Variants in FARP1 observed in about 807,000 individuals in gnomAD.
FARP1 encodes FERM, ARHGEF and pleckstrin domain-containing protein 1.
In FARP1, 52 loss-of-function variants were observed where a neutral mutation model predicts 128.8. The ratio of observed to expected loss-of-function variants is 0.40; its 90% CI spans 0.32 to 0.51. The LOEUF is 0.51. Ranked by LOEUF, FARP1 falls within the 20% of genes least tolerant of loss-of-function variation. The probability of loss-of-function intolerance (pLI) is 0.45; values close to 1 mark genes in which losing one functional copy is unlikely to be tolerated. For missense variants in FARP1, 1,333 were observed against 1,367.9 expected, an observed-to-expected ratio of 0.97 and a Z score of 0.40; for synonymous variants, 580 against 551.8, an observed-to-expected ratio of 1.05 and a Z score of -0.72.
intron 16 of FARP1, among the ~76,000 whole-genome samples, chr13:98,417,791 T>A (rs777832112): frequency 5.3e-5 from 8 of 152,180 alleles, no homozygotes; most frequent in Non-Finnish European, 1.2e-4. Flanking sequence ...GTCAGAAAAT[T>A]GTTTTGCTGC....
At chr13:98,236,715 C>T (rs368586539) in intron 2 of FARP1, among the ~76,000 whole-genome samples, 11 of 152,162 alleles carry the variant, frequency 7.2e-5, no homozygotes, top group African/African-American at 1.7e-4. Context: ...ATTTGCCAGG[C>T]GTGGTGGCTC....
At chr13:98,159,805 A>G (rs1336985392) in intron 1 of FARP1, among the ~76,000 whole-genome samples, 7 of 152,094 alleles carry the variant, frequency 4.6e-5, no homozygotes, top group Non-Finnish European at 1.0e-4. Context: ...ATTACACATG[A>G]CTATCTTAAT....
chr13:98,408,360 C>G (rs751121221), intron 13 of FARP1, among the ~76,000 whole-genome samples: 1 of 124,942 alleles, frequency 8.0e-6, no homozygotes, highest in Non-Finnish European at 1.6e-5. Flanking sequence ...CAGAGTCTCA[C>G]TTTGTCGCCC....
At chr13:98,228,111 C>A (rs1881901002) in intron 2 of FARP1, among the ~76,000 whole-genome samples, 4 of 152,234 alleles carry the variant, frequency 2.6e-5, no homozygotes, top group Admixed American at 2.6e-4. Context: ...GTAATCCCAG[C>A]ACTTTGGGAG....
chr13:98,283,618 A>C (rs1885038522), intron 2 of FARP1, among the ~76,000 whole-genome samples: 1 of 152,078 alleles, frequency 6.6e-6, no homozygotes, highest in Non-Finnish European at 1.5e-5. Flanking sequence ...CCTATTCACT[A>C]ATATTTTTAA....
chr13:98,353,156 T>G (rs1888505406), intron 3 of FARP1, among the ~76,000 whole-genome samples: 1 of 152,090 alleles, frequency 6.6e-6, no homozygotes, highest in South Asian at 2.1e-4. Context: ...GGTTTAGTCT[T>G]AAGACTAAAC....
At chr13:98,258,242 C>T (rs1403139766) in intron 2 of FARP1, among the ~76,000 whole-genome samples, 1 of 152,168 alleles carries the variant, frequency 6.6e-6, no homozygotes, top group Non-Finnish European at 1.5e-5. Context: ...GCTGGGATTA[C>T]AGGCATGAGC....
chr13:98,161,753 C>A (rs565074043), intron 1 of FARP1, among the ~76,000 whole-genome samples: 22 of 152,168 alleles, frequency 1.4e-4, no homozygotes, highest in Admixed American at 6.5e-4. Context: ...TTCCTTCCCT[C>A]CCTCCCTCCA....
At chr13:98,148,102 G>A (rs1028049371) in intron 1 of FARP1, among the ~76,000 whole-genome samples, 11 of 152,306 alleles carry the variant, frequency 7.2e-5, no homozygotes, top group African/African-American at 2.4e-4. Context: ...AAGACAATAA[G>A]GTGCGGTGGC....
At chr13:98,244,811 T>A in intron 2 of FARP1, 1 of 1,516,624 alleles carries the variant, frequency 6.6e-7, no homozygotes, top group South Asian at 1.3e-5. Context: ...CAGTGCCCAA[T>A]AAGTGATTTT....
intron 2 of FARP1, among the ~76,000 whole-genome samples, chr13:98,229,850 A>C (rs1264672208): frequency 3.3e-5 from 5 of 152,104 alleles, no homozygotes; most frequent in Admixed American, 6.5e-5. Context: ...GCAGTATCTC[A>C]CTTGAGTTAC....
chr13:98,368,055 C>A, intron 4 of FARP1, 62 bp from the exon 5 acceptor site: 1 of 1,327,850 alleles, frequency 7.5e-7, no homozygotes, highest in Non-Finnish European at 1.1e-6. Context: ...AAGTCTTTTT[C>A]TTTAATGGCA....
chr13:98,408,541 C>T (rs914016618), intron 13 of FARP1, among the ~76,000 whole-genome samples: 1 of 152,044 alleles, frequency 6.6e-6, no homozygotes, highest in Non-Finnish European at 1.5e-5. Flanking sequence ...GTTGGCTAGA[C>T]TGGTCTCAAA....
intron 3 of FARP1, among the ~76,000 whole-genome samples, chr13:98,354,608 T>C (rs1888567621): frequency 6.6e-6 from 1 of 152,220 alleles, no homozygotes; most frequent in Non-Finnish European, 1.5e-5. Context: ...GGATTCTTAT[T>C]AAACTAAATA....
chr13:98,177,012 C>A (rs34253287), intron 1 of FARP1: 8 of 1,596,752 alleles, frequency 5.0e-6, no homozygotes, highest in Non-Finnish European at 6.8e-6. Flanking sequence ...CGCCGTGAGC[C>A]GCCTTCTGCC....
chr13:98,265,728 T>G (rs1463718667), intron 2 of FARP1, among the ~76,000 whole-genome samples: 1 of 152,198 alleles, frequency 6.6e-6, no homozygotes, highest in Non-Finnish European at 1.5e-5. Context: ...CCTTGTTGCT[T>G]AACTGTAAAA....
At chr13:98,384,454 A>T in intron 6 of FARP1, 1 of 430,634 alleles carries the variant, frequency 2.3e-6, no homozygotes, top group South Asian at 3.8e-5. Flanking sequence ...TGGACTCCCA[A>T]AGTGCTGAGA....
At chr13:98,392,388 T>C (rs1157927294) in intron 11 of FARP1, among the ~76,000 whole-genome samples, 2 of 145,788 alleles carry the variant, frequency 1.4e-5, no homozygotes, top group African/African-American at 5.1e-5. Context: ...TGGTCCCAGC[T>C]ACTTGGGAGG....
At chr13:98,145,524 A>C (rs1875465720) in intron 1 of FARP1, among the ~76,000 whole-genome samples, 1 of 151,902 alleles carries the variant, frequency 6.6e-6, no homozygotes, top group African/African-American at 2.4e-5. Context: ...AGAATTATCC[A>C]GAGTTTACAA....
Sources: gnomAD v4.1 joint callset for allele counts (sites outside exome capture counted in the v4.1 genomes callset) on GRCh38, gnomAD v4.1.1 for gene constraint, MANE v1.5 for transcripts, NCBI Gene and HGNC (gene_info 2026-07-23, HGNC 2026-07-21) for gene names.